The following IFTAP variants were observed in gnomAD, a reference collection of about 807,000 sequenced individuals.
IFTAP encodes the protein intraflagellar transport associated protein.
A neutral mutation model predicts 19.4 loss-of-function variants in IFTAP; 19 were observed. That is an observed-to-expected ratio of 0.98 (90% CI 0.68 to 1.44). The LOEUF (loss-of-function observed/expected upper bound fraction) is 1.44. Among genes scored for constraint, IFTAP ranks in the 40% most tolerant of loss-of-function variants. IFTAP has a pLI of 0.00. For missense variants in IFTAP, 240 were observed against 253.6 expected (o/e 0.95, Z 0.36); for synonymous variants, 85 against 83.5 (o/e 1.02, Z -0.10).
intron 5 of IFTAP, among the ~76,000 whole-genome samples, chr11:36,651,733 G>A (rs2133532455): frequency 6.6e-6 from 1 of 152,282 alleles, no homozygotes; most frequent in South Asian, 2.1e-4. Flanking sequence ...TTTTGAGTAA[G>A]GTGTAAGGAA....
chr11:36,598,455 C>T lies in IFTAP; in HGVS notation c.-24+3863C>T, dbSNP rs1449694006. On this transcript the variant is annotated intron_variant, in intron 1 of 5. Coordinates refer to ENST00000334307, the MANE Select transcript of IFTAP (RefSeq NM_138787.4). Reference sequence around the variant, plus strand: ...AAACTTGATTTTTAAAAATTAAGAACATTTTAGAAAAACACAGAAGAAATA... The same window carrying T: ...AAACTTGATTTTTAAAAATTAAGAATATTTTAGAAAAACACAGAAGAAATA... Among the ~76,000 whole-genome samples, 12 of 152,150 alleles carry T rather than the reference C, an allele frequency of 7.9e-5. 1 individual carries two copies.
intron 1 of IFTAP, among the ~76,000 whole-genome samples, chr11:36,600,691 C>T (rs1433351412): frequency 6.6e-6 from 1 of 152,212 alleles, no homozygotes; most frequent in Non-Finnish European, 1.5e-5. Context: ...TTCCCACATT[C>T]AGCTTTTCTT....
chr11:36,616,877 A>G (rs1210126988), intron 2 of IFTAP, among the ~76,000 whole-genome samples: 1 of 151,824 alleles, frequency 6.6e-6, no homozygotes, highest in Non-Finnish European at 1.5e-5. Context: ...TAAATAAAAA[A>G]ACTGATATTC....
chr11:36,611,238 C>A (rs1851865703), intron 2 of IFTAP, among the ~76,000 whole-genome samples: 1 of 152,100 alleles, frequency 6.6e-6, no homozygotes, highest in Non-Finnish European at 1.5e-5. Context: ...AGCTTGCTCT[C>A]AACCTTGATC....
At chr11:36,648,845 TG>T (rs1198670331) in intron 5 of IFTAP, among the ~76,000 whole-genome samples, 1 of 152,158 alleles carries the variant, frequency 6.6e-6, no homozygotes, top group Non-Finnish European at 1.5e-5. Context: ...CTTAGTCACA[TG>T]TTCATACTGG....
chr11:36,632,091 C>G (rs557712319), intron 2 of IFTAP, among the ~76,000 whole-genome samples: 1 of 151,152 alleles, frequency 6.6e-6, no homozygotes. Flanking sequence ...TGCTACTTAA[C>G]CATCTGTATA....
chr11:36,639,510 A>G (rs1263307443), intron 4 of IFTAP, among the ~76,000 whole-genome samples: 2 of 152,208 alleles, frequency 1.3e-5, no homozygotes, highest in African/African-American at 4.8e-5. Flanking sequence ...ATGGTTCTGC[A>G]GGCTGTGCAA....
chr11:36,645,737 C>G (rs1170877310), intron 4 of IFTAP, among the ~76,000 whole-genome samples: 2 of 152,006 alleles, frequency 1.3e-5, no homozygotes, highest in South Asian at 2.1e-4. Flanking sequence ...TAGAGCCATT[C>G]AATTTTTTCT....
intron 4 of IFTAP, among the ~76,000 whole-genome samples, chr11:36,645,246 T>C (rs1590230780): frequency 6.6e-6 from 1 of 152,166 alleles, no homozygotes; most frequent in Non-Finnish European, 1.5e-5. Context: ...AGTCTTTGAC[T>C]TGCTGATCAT....
chr11:36,595,523 G>A (rs760221559), intron 1 of IFTAP, among the ~76,000 whole-genome samples: 1 of 152,220 alleles, frequency 6.6e-6, no homozygotes, highest in Non-Finnish European at 1.5e-5. Context: ...TGCTTCAAAA[G>A]CAGTATAAAC....
intron 1 of IFTAP, among the ~76,000 whole-genome samples, chr11:36,601,820 A>C (rs1851520188): frequency 6.6e-6 from 1 of 150,850 alleles, no homozygotes; most frequent in Non-Finnish European, 1.5e-5. Flanking sequence ...TGCTCAGCTA[A>C]TGATTTAATT....
At chr11:36,638,148 C>A (rs1318767208) in intron 4 of IFTAP, among the ~76,000 whole-genome samples, 1 of 151,794 alleles carries the variant, frequency 6.6e-6, no homozygotes, top group African/African-American at 2.4e-5. Context: ...ACACCCCGCC[C>A]CACCGCCCGC....
chr11:36,596,211 G>GTTTTTTTTTTTTTTTTT (rs1243664769), intron 1 of IFTAP, among the ~76,000 whole-genome samples: 1 of 101,156 alleles, frequency 9.9e-6, no homozygotes, highest in African/African-American at 4.1e-5. Flanking sequence ...AGATGGTAGT[G>GTTTTTTTTTTTTTTTTT]TTTTTTTTTT....
At chr11:36,656,288 G>A (rs1853981187) in intron 5 of IFTAP, among the ~76,000 whole-genome samples, 1 of 152,154 alleles carries the variant, frequency 6.6e-6, no homozygotes, top group Non-Finnish European at 1.5e-5. Flanking sequence ...AAGAGTAAGA[G>A]GCCAGGTACA....
intron 2 of IFTAP, among the ~76,000 whole-genome samples, chr11:36,631,743 C>G (rs1164579779): frequency 6.6e-6 from 1 of 150,480 alleles, no homozygotes; most frequent in Non-Finnish European, 1.5e-5. Context: ...TTCTCCAACC[C>G]AACAATGGCT....
intron 5 of IFTAP, among the ~76,000 whole-genome samples, chr11:36,654,972 A>AT (rs1279387692): frequency 1.3e-5 from 2 of 151,884 alleles, no homozygotes; most frequent in East Asian, 1.9e-4. Flanking sequence ...AGGGCAGGGC[A>AT]TTTTTTTTCT....
At chr11:36,630,029 G>A (rs1402777758) in intron 2 of IFTAP, among the ~76,000 whole-genome samples, 2 of 151,090 alleles carry the variant, frequency 1.3e-5, no homozygotes, top group Non-Finnish European at 2.9e-5. Context: ...ATGAAAGGGT[G>A]GAAGAGGACC....
At chr11:36,616,641 A>G (rs1852102712) in intron 2 of IFTAP, among the ~76,000 whole-genome samples, 1 of 151,902 alleles carries the variant, frequency 6.6e-6, no homozygotes. Context: ...AGATTAATCT[A>G]TATATACTTA....
At chr11:36,607,288 C>T (rs12288629) in intron 1 of IFTAP, among the ~76,000 whole-genome samples, 6,211 of 152,174 alleles carry the variant, frequency 0.041, 409 homozygotes, top group African/African-American at 0.14. Flanking sequence ...CATGCGTACT[C>T]GTTTAATTTT....
Sources: allele counts gnomAD v4.1 joint callset (sites outside exome capture counted in the v4.1 genomes callset), GRCh38; gene constraint gnomAD v4.1.1; transcripts MANE v1.5; gene names NCBI Gene and HGNC (gene_info 2026-07-23, HGNC 2026-07-21).